Variants in SPDYA observed in about 807,000 individuals in gnomAD.
The protein encoded by SPDYA is speedy/RINGO cell cycle regulator family member A.
SPDYA carries 11 observed loss-of-function variants against 36.7 expected under a neutral mutation model. The observed-to-expected ratio is 0.30, with a 90% CI of 0.19 to 0.50. SPDYA has a LOEUF of 0.50. Ranked by LOEUF, SPDYA falls within the 20% of genes least tolerant of loss-of-function variation. SPDYA has a pLI of 0.98. For missense variants in SPDYA, 287 were observed against 370.9 expected (o/e 0.77, Z 1.86); for synonymous variants, 115 against 118.7 (o/e 0.97, Z 0.20).
intron 5 of SPDYA, among the ~76,000 whole-genome samples, chr2:28,824,600 G>T (rs1253287307): frequency 1.6e-5 from 2 of 127,180 alleles, no homozygotes; most frequent in African/African-American, 3.1e-5. Context: ...AGGCTGGAGT[G>T]CAGTGGCATT....
At chr2:28,815,237 A>G (rs1191073310) in intron 2 of SPDYA, among the ~76,000 whole-genome samples, 1 of 150,972 alleles carries the variant, frequency 6.6e-6, no homozygotes, top group Non-Finnish European at 1.5e-5. Context: ...AGCCGTAATC[A>G]TGCCAACGTA....
chr2:28,825,624 C>T (rs536497396), intron 5 of SPDYA, among the ~76,000 whole-genome samples: 1 of 152,230 alleles, frequency 6.6e-6, no homozygotes, highest in East Asian at 1.9e-4. Context: ...TCCACATTAC[C>T]TTTCACAATT....
chr2:28,846,526 G>A (rs146649011), intron 7 of SPDYA, among the ~76,000 whole-genome samples: 69 of 152,138 alleles, frequency 4.5e-4, no homozygotes, highest in African/African-American at 1.5e-3. Context: ...GACAGTTTTC[G>A]GTCAGTCTCA....
chr2:28,818,068 G>T (rs1039898842), intron 3 of SPDYA, among the ~76,000 whole-genome samples: 3 of 150,656 alleles, frequency 2.0e-5, no homozygotes, highest in Non-Finnish European at 4.4e-5. Flanking sequence ...CTGGGGGGCT[G>T]AGGTGGGAGG....
In SPDYA at chr2:28,840,735, A is replaced by AT. The variant is rs556504351; in HGVS notation, c.850+273dup. On this transcript the variant is annotated intron_variant, in intron 7 of 7. Coordinates refer to ENST00000334056, the MANE Select transcript of SPDYA (RefSeq NM_182756.4). ...CCTCAGTATTTTAAGAGCCTGAATC[A>AT]TTTTTTTGAAATGTTTATTTTATTC... is the stretch of plus-strand genomic sequence containing the variant. 2.0e-3 allele frequency: 2,287 copies of AT among 1,142,964 alleles called. 3 individuals are homozygous for AT. Among genetic ancestry groups the AT allele is most frequent in the Non-Finnish European group, 2.3e-3 (2,147 of 930,230 alleles). 70.8% of individuals were successfully genotyped at this position (1,142,964 alleles called of 1,614,324 possible).
chr2:28,835,282 A>G (rs1213272637), intron 6 of SPDYA, among the ~76,000 whole-genome samples: 1 of 150,822 alleles, frequency 6.6e-6, no homozygotes, highest in Non-Finnish European at 1.5e-5. Context: ...CTGGAGTGCA[A>G]TGGCGTGATC....
chr2:28,815,569 AGTT>A (rs1667964721), intron 2 of SPDYA, among the ~76,000 whole-genome samples: 1 of 152,126 alleles, frequency 6.6e-6, no homozygotes, highest in African/African-American at 2.4e-5. Context: ...TTCTGGAAAT[AGTT>A]GTCCTTGTTT....
intron 6 of SPDYA, among the ~76,000 whole-genome samples, chr2:28,836,430 A>G (rs979836079): frequency 1.1e-4 from 17 of 152,360 alleles, no homozygotes; most frequent in African/African-American, 4.1e-4. Context: ...CATGAAGTTA[A>G]TAAGTAGCAG....
At chr2:28,818,921 C>G (rs1319276025) in intron 3 of SPDYA, 127 bp from the exon 4 acceptor site, 6 of 685,000 alleles carry the variant, frequency 8.8e-6, no homozygotes, top group African/African-American at 1.8e-5. Flanking sequence ...CCACCTTAGG[C>G]AACACTGGTT....
In SPDYA at chr2:28,849,989, A is replaced by C; in HGVS notation, c.*48A>C. 2 of 1,410,982 alleles carry C rather than the reference A, an allele frequency of 1.4e-6. No individual in the cohort carries two copies. Among genetic ancestry groups the C allele is most frequent in the East Asian group, 2.3e-5 (1 of 43,688 alleles). 87.4% of individuals were successfully genotyped at this position (1,410,982 alleles called of 1,614,324 possible). ...GGAATCATTAACTACAAAATGTCAA[A>C]CTAACTGCAAGACAAGTGTCAAAAT... On this transcript the variant is annotated 3_prime_UTR_variant, in exon 8 of 8. Coordinates refer to ENST00000334056, the MANE Select transcript of SPDYA (RefSeq NM_182756.4).
chr2:28,826,841 T>A (rs1453482557), intron 5 of SPDYA, among the ~76,000 whole-genome samples: 1 of 151,514 alleles, frequency 6.6e-6, no homozygotes, highest in Non-Finnish European at 1.5e-5. Flanking sequence ...GGTTTCGAAC[T>A]CCTCAGCTCA....
In SPDYA at chr2:28,850,131, G is replaced by C; in HGVS notation, c.*190G>C. 7.0e-7 allele frequency: 1 copy of C among 1,431,758 alleles called. No homozygotes were observed. Among genetic ancestry groups the C allele is most frequent in the South Asian group, 1.2e-5 (1 of 82,258 alleles). 88.7% of individuals were successfully genotyped at this position (1,431,758 alleles called of 1,614,324 possible). ...AAAAATGCCAATCTATGGAAGCAGTGATTTTCAATATAAAGTTCTATTTTG... is the reference window on the plus strand; with the variant it reads ...AAAAATGCCAATCTATGGAAGCAGTCATTTTCAATATAAAGTTCTATTTTG... On this transcript the variant is annotated 3_prime_UTR_variant, in exon 8 of 8. Transcript: ENST00000334056.
chr2:28,847,484 G>A (rs1400421371), intron 7 of SPDYA, among the ~76,000 whole-genome samples: 1 of 151,986 alleles, frequency 6.6e-6, no homozygotes, highest in Non-Finnish European at 1.5e-5. Context: ...GCTCACACCT[G>A]TAATCCTAGA....
chr2:28,829,161 A>G lies in SPDYA; in HGVS notation c.394A>G (p.Thr132Ala), dbSNP rs1256636817. 1 of 1,613,210 alleles carries G rather than the reference A, an allele frequency of 6.2e-7. No individual in the cohort carries two copies. Among genetic ancestry groups the G allele is most frequent in the African/African-American group, 1.3e-5 (1 of 74,782 alleles). The change falls in exon 6 of 8, where the codon ACA becomes GCA. Residue 132 changes from threonine to alanine, a missense_variant. Transcript: ENST00000334056. ...CTTCTTTGTTAGGTATCTGGCTAAT[A>G]CAGTTGAAGAAGATGAAGAAGAAAC... ...NFFIALYLAN[T>A]VEEDEEETKY...
In SPDYA at chr2:28,822,346, G is replaced by C. The variant is rs751784155; in HGVS notation, c.316G>C (p.Val106Leu). 1 of 1,560,290 alleles carries C rather than the reference G, an allele frequency of 6.4e-7. No individual in the cohort carries two copies. Residue 106 changes from valine to leucine, a missense_variant, in exon 5 of 8, where the codon GTT (valine) becomes CTT (leucine). Val to Leu is a conservative substitution (Grantham distance 32, BLOSUM62 1). Transcript: ENST00000334056. ...ADKYLLAMTF[V>L]YFKRAKFTIS... ...ATAGTATCTTTTGGCTATGACCTTT[G>C]TTTATTTCAAGAGGGCTAAATTTAC...
chr2:28,826,611 C>CTCTTTTTTTTTT (rs1553315436), intron 5 of SPDYA, among the ~76,000 whole-genome samples: 1 of 75,328 alleles, frequency 1.3e-5, no homozygotes, highest in African/African-American at 6.0e-5. Flanking sequence ...TTCTTTCTCT[C>CTCTTTTTTTTTT]TTTTTTTTTT....
chr2:28,813,316 T>G (rs1238074314), intron 1 of SPDYA, among the ~76,000 whole-genome samples: 1 of 152,312 alleles, frequency 6.6e-6, no homozygotes, highest in South Asian at 2.1e-4. Context: ...TGCATTATAT[T>G]TTATGATATA....
intron 1 of SPDYA, among the ~76,000 whole-genome samples, chr2:28,813,701 G>T (rs1278116851): frequency 1.3e-5 from 2 of 151,974 alleles, no homozygotes; most frequent in East Asian, 3.9e-4. Context: ...ACAGGCGCCT[G>T]CCACCATGCC....
chr2:28,812,261 A>T (rs1667865334), intron 1 of SPDYA, among the ~76,000 whole-genome samples: 1 of 152,168 alleles, frequency 6.6e-6, no homozygotes, highest in Non-Finnish European at 1.5e-5. Flanking sequence ...GTGTGACTGC[A>T]TTCATAAGGA....
Sources: gnomAD v4.1 joint callset for allele counts (sites outside exome capture counted in the v4.1 genomes callset) on GRCh38, gnomAD v4.1.1 for gene constraint, MANE v1.5 for transcripts, NCBI Gene and HGNC (gene_info 2026-07-23, HGNC 2026-07-21) for gene names.